Variants in CSNK2A2IP observed in about 807,000 individuals in gnomAD.
CSNK2A2IP encodes the protein casein kinase II subunit alpha'-interacting protein.
chr3:88,454,687 G>T, the CSNK2A2IP span, among the ~76,000 whole-genome samples: 361 of 151,640 alleles, frequency 2.4e-3, 1 homozygote, highest in African/African-American at 8.4e-3. Context: ...TGTATTTAGG[G>T]TTTACAATGT....
At chr3:88,434,928 C>A in the CSNK2A2IP span, among the ~76,000 whole-genome samples, 1 of 152,106 alleles carries the variant, frequency 6.6e-6, no homozygotes, top group Non-Finnish European at 1.5e-5. Flanking sequence ...CTAAAAAGTT[C>A]AATACCTAAG....
the CSNK2A2IP span, among the ~76,000 whole-genome samples, chr3:88,368,238 G>C: frequency 6.6e-6 from 1 of 151,960 alleles, no homozygotes; most frequent in African/African-American, 2.4e-5. Context: ...AGGCACTGGG[G>C]ATACAGTAGT....
chr3:88,436,777 T>C, the CSNK2A2IP span, among the ~76,000 whole-genome samples: 8 of 152,236 alleles, frequency 5.3e-5, no homozygotes, highest in Non-Finnish European at 8.8e-5. Flanking sequence ...GATAGTTACC[T>C]ATTGCATTGC....
chr3:88,353,446 G>T, the CSNK2A2IP span, among the ~76,000 whole-genome samples: 1 of 152,188 alleles, frequency 6.6e-6, no homozygotes, highest in South Asian at 2.1e-4. Flanking sequence ...AAATTTAATT[G>T]CTCGTGCCTG....
At chr3:88,407,970 A>G in the CSNK2A2IP span, among the ~76,000 whole-genome samples, 1 of 152,038 alleles carries the variant, frequency 6.6e-6, no homozygotes, top group Non-Finnish European at 1.5e-5. Flanking sequence ...TGATCCACCC[A>G]CCTTGACCTC....
chr3:88,456,583 G>A, the CSNK2A2IP span, among the ~76,000 whole-genome samples: 1 of 149,428 alleles, frequency 6.7e-6, no homozygotes, highest in Non-Finnish European at 1.5e-5. Flanking sequence ...TGTTCTAATA[G>A]TTTTTGGGGT....
chr3:88,339,944 C>A, the CSNK2A2IP span, among the ~76,000 whole-genome samples: 1 of 151,946 alleles, frequency 6.6e-6, no homozygotes, highest in East Asian at 1.9e-4. Flanking sequence ...TCTCCATTCA[C>A]AATTTTCTAC....
the CSNK2A2IP span, among the ~76,000 whole-genome samples, chr3:88,417,091 G>A: frequency 1.5e-5 from 2 of 135,470 alleles, no homozygotes; most frequent in African/African-American, 4.9e-5. Flanking sequence ...AGACACTGAT[G>A]AGATAACATG....
At chr3:88,465,836 C>T in the CSNK2A2IP span, 1 of 1,231,702 alleles carries the variant, frequency 8.1e-7, no homozygotes, top group Middle Eastern at 3.1e-4. Context: ...CCTCAAACAA[C>T]ATCTTCAAGC....
At chr3:88,438,690 T>C in the CSNK2A2IP span, among the ~76,000 whole-genome samples, 2 of 152,172 alleles carry the variant, frequency 1.3e-5, no homozygotes, top group Non-Finnish European at 2.9e-5. Flanking sequence ...CAATCACATT[T>C]CCACACACTG....
chr3:88,438,851 G>A, the CSNK2A2IP span, among the ~76,000 whole-genome samples: 3 of 152,054 alleles, frequency 2.0e-5, no homozygotes, highest in Non-Finnish European at 4.4e-5. Context: ...AGTGTTGGTC[G>A]TGAACCTTAT....
chr3:88,456,039 C>A, the CSNK2A2IP span, among the ~76,000 whole-genome samples: 1 of 151,862 alleles, frequency 6.6e-6, no homozygotes, highest in South Asian at 2.1e-4. Flanking sequence ...TCTGGGCTTT[C>A]CAATCTGTTC....
At chr3:88,465,341 C>T in the CSNK2A2IP span, 1 of 1,229,852 alleles carries the variant, frequency 8.1e-7, no homozygotes, top group Non-Finnish European at 1.0e-6. Context: ...TTAAAAAGAC[C>T]TCTACTACAA....
At chr3:88,465,358 A>T in the CSNK2A2IP span, 2 of 1,231,412 alleles carry the variant, frequency 1.6e-6, no homozygotes, top group African/African-American at 3.1e-5. Context: ...ACAACACAAG[A>T]TGGTGCCACT....
At chr3:88,396,158 G>T in the CSNK2A2IP span, among the ~76,000 whole-genome samples, 1 of 144,232 alleles carries the variant, frequency 6.9e-6, no homozygotes, top group Non-Finnish European at 1.5e-5. Context: ...AGGCTGGAGT[G>T]CAGTGGCGCA....
At chr3:88,395,799 A>G in the CSNK2A2IP span, among the ~76,000 whole-genome samples, 2 of 152,192 alleles carry the variant, frequency 1.3e-5, no homozygotes, top group Non-Finnish European at 2.9e-5. Flanking sequence ...TTGAGTTTTC[A>G]ATGTACATGT....
the CSNK2A2IP span, among the ~76,000 whole-genome samples, chr3:88,367,048 C>A: frequency 6.6e-6 from 1 of 152,158 alleles, no homozygotes; most frequent in Non-Finnish European, 1.5e-5. Context: ...GTCCCTCCCA[C>A]AATACATGGG....
chr3:88,339,989 T>G, the CSNK2A2IP span, among the ~76,000 whole-genome samples: 1 of 152,040 alleles, frequency 6.6e-6, no homozygotes, highest in Non-Finnish European at 1.5e-5. Flanking sequence ...TTTTTAGATA[T>G]GCATTGGTCC....
the CSNK2A2IP span, among the ~76,000 whole-genome samples, chr3:88,459,173 A>G: frequency 6.6e-6 from 1 of 152,200 alleles, no homozygotes; most frequent in Non-Finnish European, 1.5e-5. Context: ...GAAGTAAAAA[A>G]TACAAAAGAA....
Sources: gnomAD v4.1 joint callset for allele counts (sites outside exome capture counted in the v4.1 genomes callset) on GRCh38, gnomAD v4.1.1 for gene constraint, MANE v1.5 for transcripts, NCBI Gene and HGNC (gene_info 2026-07-23, HGNC 2026-07-21) for gene names.